The following MBNL3 variants were observed in gnomAD, a reference collection of about 807,000 sequenced individuals.
MBNL3 encodes muscleblind like splicing regulator 3.
In MBNL3, 6 loss-of-function variants were observed where a neutral mutation model predicts 24.5. The observed-to-expected ratio is 0.25, with a 90% CI of 0.13 to 0.48. The LOEUF (loss-of-function observed/expected upper bound fraction) is 0.48, where lower values mean the gene tolerates loss of function less well. Among genes scored for constraint, MBNL3 ranks in the 20% least tolerant of loss-of-function variants. The probability of loss-of-function intolerance (pLI) is 0.99; values close to 1 mark genes in which losing one functional copy is unlikely to be tolerated. For synonymous variants in MBNL3, 100 were observed against 101.7 expected, an observed-to-expected ratio of 0.98 and a Z score of 0.10; for missense variants, 230 against 293.5, an observed-to-expected ratio of 0.78 and a Z score of 1.58.
intron 1 of MBNL3, among the ~76,000 whole-genome samples, chrX:132,463,106 T>C (rs1946710448): frequency 1.8e-5 from 2 of 112,660 alleles, no homozygotes; most frequent in African/African-American, 6.5e-5. Flanking sequence ...GTACTCATAA[T>C]TACGCACTCT....
intron 3 of MBNL3, among the ~76,000 whole-genome samples, chrX:132,401,769 G>A (rs1940977388): frequency 9.0e-6 from 1 of 110,874 alleles, no homozygotes; most frequent in South Asian, 3.8e-4. Context: ...TTAAAAACAT[G>A]AGTCTAAAAA....
intron 2 of MBNL3, among the ~76,000 whole-genome samples, chrX:132,425,618 C>G (rs955631714): frequency 5.4e-5 from 6 of 111,100 alleles, no homozygotes; most frequent in African/African-American, 1.6e-4. Context: ...CACAAAATCC[C>G]TTTTTGAAGA....
intron 2 of MBNL3, among the ~76,000 whole-genome samples, chrX:132,411,672 A>C (rs965976206): frequency 9.0e-6 from 1 of 110,980 alleles, no homozygotes; most frequent in African/African-American, 3.3e-5. Flanking sequence ...GTCCCCATTT[A>C]TCTCTCCCTC....
At chrX:132,472,347 A>G (rs1289668607) in intron 1 of MBNL3, among the ~76,000 whole-genome samples, 2 of 112,108 alleles carry the variant, frequency 1.8e-5, no homozygotes, top group East Asian at 2.8e-4. Flanking sequence ...GTACAGACAC[A>G]AGAGAAATTG....
intron 1 of MBNL3, among the ~76,000 whole-genome samples, chrX:132,474,258 C>G (rs750880676): frequency 9.0e-6 from 1 of 111,394 alleles, no homozygotes; most frequent in Non-Finnish European, 1.9e-5. Flanking sequence ...TCAGAGTAAA[C>G]CTATATCCTC....
chrX:132,460,109 CA>C (rs1026674061), intron 1 of MBNL3, among the ~76,000 whole-genome samples: 4 of 111,095 alleles, frequency 3.6e-5, no homozygotes, highest in African/African-American at 1.3e-4. Flanking sequence ...AAAACTTACC[CA>C]GACAGTAGCA....
chrX:132,381,297 A>G (rs1934888971), intron 8 of MBNL3: 9 of 658,887 alleles, frequency 1.4e-5, no homozygotes, highest in Middle Eastern at 5.1e-4. Context: ...TAGAAGTGCA[A>G]TTGTGTAAAT....
At chrX:132,399,787 C>G (rs1940534728) in intron 3 of MBNL3, among the ~76,000 whole-genome samples, 1 of 105,745 alleles carries the variant, frequency 9.5e-6, no homozygotes. Context: ...AATTACTGAG[C>G]CATACCAACC....
chrX:132,488,853 T>A lies in MBNL3; in HGVS notation c.-706A>T, dbSNP rs988037453. The A allele has an allele frequency of 8.8e-6, 1 of 113,291 alleles. No individual in the cohort carries two copies. Among genetic ancestry groups the A allele is most frequent in the African/African-American group, 3.2e-5 (1 of 31,224 alleles). 9.3% of individuals were successfully genotyped at this position (113,291 alleles called of 1,213,427 possible). Reference sequence around the variant, plus strand: ...TCCCAATTCATCTCCAGCCTTACCTTACGCTGCTAGCGCAAACCCAGAGGC... The same window carrying A: ...TCCCAATTCATCTCCAGCCTTACCTAACGCTGCTAGCGCAAACCCAGAGGC... On this transcript the variant is annotated splice_region_variant and 5_prime_UTR_variant, in exon 1 of 9. Transcript: ENST00000370853.
intron 2 of MBNL3, among the ~76,000 whole-genome samples, chrX:132,414,327 G>A (rs1464021632): frequency 2.7e-5 from 3 of 112,078 alleles, no homozygotes; most frequent in Admixed American, 9.4e-5. Flanking sequence ...GAATTAGTAA[G>A]GTCAGAAATA....
At chrX:132,413,392 T>C (rs1290101137) in intron 2 of MBNL3, 6 of 811,409 alleles carry the variant, frequency 7.4e-6, no homozygotes, top group East Asian at 3.5e-5. Flanking sequence ...TACAATATGT[T>C]ATCTGGCAGC....
intron 2 of MBNL3, chrX:132,429,713 T>C (rs994656611): frequency 7.1e-5 from 8 of 111,993 alleles, no homozygotes; most frequent in African/African-American, 2.3e-4. Flanking sequence ...ACAGTCCCAA[T>C]GTCATGTGGA....
Position 132,382,231 on chromosome X carries a change from C to T in MBNL3, c.1000G>A (p.Ala334Thr). The T allele has an allele frequency of 8.3e-7, 1 of 1,210,951 alleles. No homozygotes were observed. Among genetic ancestry groups the T allele is most frequent in the Non-Finnish European group, 1.1e-6 (1 of 895,018 alleles). ...HGATPTTVSAATTPATSVPFA... is the reference protein window; with the variant it reads ...HGATPTTVSATTTPATSVPFA... ...GGAACGCTGGTGGCAGGTGTTGTTG[C>T]TGCAGACACAGTGGTAGGTGTAGCA... is the stretch of plus-strand genomic sequence containing the variant. Residue 334 changes from alanine to threonine, a missense_variant, in exon 8 of 9, where the codon GCA (alanine) becomes ACA (threonine). Transcript: ENST00000370853.
chrX:132,488,800 G>C (rs1243930842), intron 1 of MBNL3, 51 bp downstream of exon 1: 1 of 111,580 alleles, frequency 9.0e-6, no homozygotes, highest in East Asian at 2.8e-4. Flanking sequence ...TTTCCTCGGC[G>C]TCCGAGGAAG....
chrX:132,387,781 C>T (rs947367815), intron 5 of MBNL3, among the ~76,000 whole-genome samples: 3 of 112,132 alleles, frequency 2.7e-5, no homozygotes, highest in African/African-American at 9.7e-5. Flanking sequence ...TAGAGGCTTG[C>T]TGTCCATTTC....
At chrX:132,420,727 T>A (rs1399713240) in intron 2 of MBNL3, among the ~76,000 whole-genome samples, 1 of 110,931 alleles carries the variant, frequency 9.0e-6, no homozygotes, top group Non-Finnish European at 1.9e-5. Flanking sequence ...GCCTAGGAAA[T>A]CCAGCTAGTC....
intron 3 of MBNL3, among the ~76,000 whole-genome samples, chrX:132,401,434 A>G (rs1286823046): frequency 1.8e-5 from 2 of 109,310 alleles, no homozygotes; most frequent in Non-Finnish European, 3.8e-5. Context: ...TCACATTTCT[A>G]TTTCTATTCA....
rs573168501 is a variant in MBNL3, at chrX:132,371,905, A to G, written c.*7761T>C. ...AAATCAGAAATTTAAATTTCATTTT[A>G]GAATTACTAAATATTAGGATTAATA... On this transcript the variant is annotated 3_prime_UTR_variant, in exon 9 of 9. Transcript: ENST00000370853. 22 of 111,574 alleles carry G rather than the reference A, an allele frequency of 2.0e-4. No homozygotes were observed. The highest frequency in any genetic ancestry group is 7.1e-4 in the African/African-American group (22 of 30,829). The allele number at this position is 111,574 out of a possible 1,213,427, so 9.2% of individuals were successfully genotyped here.
intron 1 of MBNL3, among the ~76,000 whole-genome samples, chrX:132,450,274 T>G (rs1329226240): frequency 2.7e-5 from 3 of 111,894 alleles, no homozygotes; most frequent in Non-Finnish European, 5.6e-5. Flanking sequence ...CTTGGTTCCA[T>G]TCTCCCCATC....
Sources: allele counts gnomAD v4.1 joint callset (sites outside exome capture counted in the v4.1 genomes callset), GRCh38; gene constraint gnomAD v4.1.1; transcripts MANE v1.5; gene names NCBI Gene and HGNC (gene_info 2026-07-23, HGNC 2026-07-21).